The following MMS22L variants were observed in gnomAD, a reference collection of about 807,000 sequenced individuals.
The protein encoded by MMS22L is MMS22 like, DNA repair protein, also known as protein MMS22-like.
A neutral mutation model predicts 159.1 loss-of-function variants in MMS22L; 74 were observed. That is an observed-to-expected ratio of 0.47 (90% confidence interval 0.39 to 0.56). MMS22L has a LOEUF of 0.56. MMS22L is among the 20% of genes least tolerant of loss of function. The pLI, the probability that MMS22L is intolerant of heterozygous loss-of-function variation, is 0.00. For synonymous variants in MMS22L, 517 were observed against 506.9 expected, an observed-to-expected ratio of 1.02 and a Z score of -0.27; for missense variants, 1,351 against 1,422.1, an observed-to-expected ratio of 0.95 and a Z score of 0.80.
intron 21 of MMS22L, among the ~76,000 whole-genome samples, chr6:97,163,144 C>T (rs1802618343): frequency 6.6e-6 from 1 of 151,812 alleles, no homozygotes; most frequent in Non-Finnish European, 1.5e-5. Context: ...TTCCTAATGC[C>T]TAGAACAAAC....
At chr6:97,217,078 T>G (rs1163076677) in intron 14 of MMS22L, among the ~76,000 whole-genome samples, 1 of 152,158 alleles carries the variant, frequency 6.6e-6, no homozygotes, top group African/African-American at 2.4e-5. Flanking sequence ...TCTGTAATTA[T>G]GAGAAGACAA....
At chr6:97,269,871 A>C (rs987754490) in intron 7 of MMS22L, 31 bp downstream of exon 7, 1 of 1,488,278 alleles carries the variant, frequency 6.7e-7, no homozygotes, top group Non-Finnish European at 9.2e-7. Flanking sequence ...TGATTTTAAA[A>C]AGAATATAAA....
chr6:97,248,399 TAATA>T (rs67349127), intron 10 of MMS22L, among the ~76,000 whole-genome samples: 97,563 of 151,670 alleles, frequency 0.64, 32,874 homozygotes, highest in Non-Finnish European at 0.76. Context: ...GAGTGTGAGA[TAATA>T]AATGTTTGTT....
chr6:97,171,267 C>T (rs1803517721), intron 19 of MMS22L, among the ~76,000 whole-genome samples: 2 of 151,988 alleles, frequency 1.3e-5, no homozygotes, highest in African/African-American at 4.8e-5. Flanking sequence ...GGGGGCATGT[C>T]AAGTACACAA....
chr6:97,235,154 C>T (rs1286564227), intron 11 of MMS22L, among the ~76,000 whole-genome samples: 2 of 152,020 alleles, frequency 1.3e-5, no homozygotes, highest in Non-Finnish European at 2.9e-5. Flanking sequence ...GGCGACTGTG[C>T]GAAACTATAA....
Position 97,281,311 on chromosome 6 carries a change from CAAGGTATCTTCTTCAAAATTAGTTGGTA to C in MMS22L, c.188_215del (p.Leu63TrpfsTer14). ...TAACCCACTGAATGCCAAATATTTC[CAAGGTATCTTCTTCAAAATTAGTTGGTA>C]AAGGGTCAAGATTCAAAATCAATCT... On this transcript the variant is annotated frameshift_variant, in exon 3 of 25. Coordinates refer to ENST00000683635, the MANE Select transcript of MMS22L (RefSeq NM_001350599.2). LOFTEE classifies it high-confidence loss of function. 1 of 1,609,512 alleles carries C rather than the reference CAAGGTATCTTCTTCAAAATTAGTTGGTA, an allele frequency of 6.2e-7. No individual in the cohort carries two copies. The highest frequency in any genetic ancestry group is 2.2e-5 in the East Asian group (1 of 44,710).
intron 9 of MMS22L, chr6:97,259,267 T>C (rs963006781): frequency 2.0e-5 from 3 of 152,210 alleles, no homozygotes; most frequent in Non-Finnish European, 4.4e-5. Flanking sequence ...CAACTACAAA[T>C]AGAATGGTTA....
At chr6:97,186,352 C>A in intron 15 of MMS22L, 145 bp downstream of exon 15, 1 of 551,914 alleles carries the variant, frequency 1.8e-6, no homozygotes, top group South Asian at 3.1e-5. Context: ...GCCAAAGGAT[C>A]CCAATTTATT....
At chr6:97,164,052 G>T (rs1430493164) in intron 21 of MMS22L, among the ~76,000 whole-genome samples, 1 of 151,888 alleles carries the variant, frequency 6.6e-6, no homozygotes, top group African/African-American at 2.4e-5. Context: ...TAATCTGGGG[G>T]CATTGTTTAG....
intron 11 of MMS22L, among the ~76,000 whole-genome samples, chr6:97,235,409 T>C (rs1304266831): frequency 6.6e-6 from 1 of 152,230 alleles, no homozygotes; most frequent in Non-Finnish European, 1.5e-5. Context: ...GTCAGAGTTG[T>C]TGACATAAAT....
At chr6:97,194,081 CAG>C (rs1429864120) in intron 14 of MMS22L, among the ~76,000 whole-genome samples, 1 of 145,390 alleles carries the variant, frequency 6.9e-6, no homozygotes, top group Non-Finnish European at 1.5e-5. Flanking sequence ...ATTTTTGAGA[CAG>C]AGTCTCGCTC....
chr6:97,241,993 AAAAAT>A (rs1295907335), intron 11 of MMS22L, among the ~76,000 whole-genome samples: 1 of 152,140 alleles, frequency 6.6e-6, no homozygotes, highest in East Asian at 1.9e-4. Flanking sequence ...TCAATTTTTT[AAAAAT>A]TATTGAGACT....
intron 11 of MMS22L, among the ~76,000 whole-genome samples, chr6:97,240,454 G>A (rs1307450735): frequency 1.3e-5 from 2 of 152,130 alleles, no homozygotes; most frequent in Non-Finnish European, 2.9e-5. Flanking sequence ...CTGAAACTCT[G>A]GGCCATGCAA....
rs1240454656 is a variant in MMS22L at position 97,179,434 on chromosome 6, A to G, written c.2510T>C (p.Ile837Thr). ...KNLSGPDDLL[I>T]DKNLEEAVEK... ...AACTGCCTCTTCCAGATTTTTATCTATGAGCAAATCATCAGGCCCAGAGAG... is the reference window on the plus strand; with the variant it reads ...AACTGCCTCTTCCAGATTTTTATCTGTGAGCAAATCATCAGGCCCAGAGAG... The change falls in exon 17 of 25, where the codon ATA becomes ACA. Residue 837 changes from isoleucine to threonine, a missense_variant. Physicochemically the swap from Ile to Thr is moderately conservative, Grantham distance 89 (BLOSUM62 -1). Transcript: ENST00000683635. The G allele has an allele frequency of 1.2e-6, 2 of 1,612,706 alleles. No homozygotes were observed. Among genetic ancestry groups the G allele is most frequent in the South Asian group, 1.1e-5 (1 of 90,664 alleles).
chr6:97,191,288 G>C (rs1353158002), intron 14 of MMS22L, among the ~76,000 whole-genome samples: 2 of 152,128 alleles, frequency 1.3e-5, no homozygotes, highest in East Asian at 3.9e-4. Context: ...CAGGCTTCTG[G>C]GAACACTTAC....
chr6:97,175,078 T>C (rs1343963250), intron 18 of MMS22L, among the ~76,000 whole-genome samples: 1 of 152,178 alleles, frequency 6.6e-6, no homozygotes, highest in Non-Finnish European at 1.5e-5. Context: ...AGCTTTTAAT[T>C]ATTTGGGTTA....
At chr6:97,241,485 T>C (rs1812066396) in intron 11 of MMS22L, among the ~76,000 whole-genome samples, 1 of 152,222 alleles carries the variant, frequency 6.6e-6, no homozygotes, top group Non-Finnish European at 1.5e-5. Context: ...TTTTAAATTA[T>C]GGCCATTCTT....
At chr6:97,225,508 G>T (rs577001733) in intron 14 of MMS22L, among the ~76,000 whole-genome samples, 1 of 151,380 alleles carries the variant, frequency 6.6e-6, no homozygotes, top group East Asian at 1.9e-4. Flanking sequence ...ACACCACCAT[G>T]CCCATAACTT....
intron 22 of MMS22L, among the ~76,000 whole-genome samples, chr6:97,159,264 C>T (rs1460781809): frequency 6.6e-6 from 1 of 151,914 alleles, no homozygotes; most frequent in Non-Finnish European, 1.5e-5. Flanking sequence ...ATTTGCCAGC[C>T]TGTGTCTTTT....
Sources: gnomAD v4.1 joint callset for allele counts (sites outside exome capture counted in the v4.1 genomes callset) on GRCh38, gnomAD v4.1.1 for gene constraint, MANE v1.5 for transcripts, NCBI Gene and HGNC (gene_info 2026-07-23, HGNC 2026-07-21) for gene names.